SPHKAP: variants seen among roughly 807,000 people sequenced by gnomAD.
SPHKAP encodes the protein A-kinase anchor protein SPHKAP.
SPHKAP carries 67 observed loss-of-function variants against 137.5 expected under a neutral mutation model. The observed-to-expected ratio is 0.49, with a 90% CI of 0.40 to 0.60. The LOEUF (loss-of-function observed/expected upper bound fraction) is 0.60. Among genes scored for constraint, SPHKAP ranks in the 20% least tolerant of loss-of-function variants. The pLI is 0.00. For synonymous variants in SPHKAP, 813 were observed against 785.3 expected, an observed-to-expected ratio of 1.04 and a Z score of -0.59; for missense variants, 2,097 against 2,069.3, an observed-to-expected ratio of 1.01 and a Z score of -0.26.
At chr2:228,049,790 C>T (rs1354411800) in intron 3 of SPHKAP, among the ~76,000 whole-genome samples, 2 of 152,174 alleles carry the variant, frequency 1.3e-5, no homozygotes, top group Non-Finnish European at 2.9e-5. Flanking sequence ...AGGATAATGA[C>T]CTCCAGTTGC....
chr2:228,049,810 G>A (rs996693398), intron 3 of SPHKAP, among the ~76,000 whole-genome samples: 1 of 152,104 alleles, frequency 6.6e-6, no homozygotes, highest in Non-Finnish European at 1.5e-5. Context: ...CACCCATGTT[G>A]CTGCAAAAAT....
chr2:228,098,234 C>G (rs1275350082), intron 3 of SPHKAP, among the ~76,000 whole-genome samples: 2 of 152,010 alleles, frequency 1.3e-5, no homozygotes, highest in Non-Finnish European at 2.9e-5. Flanking sequence ...CTGATAATTA[C>G]TGATGTTGAG....
In SPHKAP at chr2:228,135,694, T is replaced by C. The variant is rs1259223282; in HGVS notation, c.33-3609A>G. ...GCCATTTGTTCTAATGCTAAGCCTG[T>C]ATAGCATTAATAAATAAATTTAACT... is the stretch of plus-strand genomic sequence containing the variant. On this transcript the variant is annotated intron_variant, in intron 1 of 11. Coordinates refer to ENST00000392056, the MANE Select transcript of SPHKAP (RefSeq NM_001142644.2). Among the ~76,000 whole-genome samples, 4 of 152,336 alleles carry C rather than the reference T, an allele frequency of 2.6e-5. No homozygotes were observed. The South Asian group carries it at 8.3e-4, about 32-fold the overall frequency.
At chr2:228,139,786 A>T (rs909057937) in intron 1 of SPHKAP, among the ~76,000 whole-genome samples, 5 of 152,238 alleles carry the variant, frequency 3.3e-5, no homozygotes, top group African/African-American at 1.2e-4. Context: ...TTAATGTAAG[A>T]TAGAAAGTAC....
intron 11 of SPHKAP, among the ~76,000 whole-genome samples, chr2:227,988,503 G>A (rs1393674726): frequency 6.6e-6 from 1 of 152,182 alleles, no homozygotes; most frequent in Non-Finnish European, 1.5e-5. Flanking sequence ...TGTAACTCAG[G>A]TGTTTGTGAG....
rs572809068 is a variant in SPHKAP, at chr2:228,073,105, T to A, written c.246+35727A>T. On this transcript the variant is annotated intron_variant, in intron 3 of 11. Coordinates refer to ENST00000392056, the MANE Select transcript of SPHKAP (RefSeq NM_001142644.2). Reference sequence around the variant, plus strand: ...GGAAAGAAACTTTGAAAACATCTAGTCAAAGCAGTTTATTTTACAAATGAG... The same window carrying A: ...GGAAAGAAACTTTGAAAACATCTAGACAAAGCAGTTTATTTTACAAATGAG... 1.5e-4 allele frequency among the ~76,000 whole-genome samples: 23 copies of A among 152,340 alleles called. 1 individual carries two copies. The highest frequency in any genetic ancestry group is 1.0e-3 in the South Asian group (5 of 4,832).
chr2:228,104,824 A>C (rs1698289822), intron 3 of SPHKAP, among the ~76,000 whole-genome samples: 1 of 152,214 alleles, frequency 6.6e-6, no homozygotes, highest in Non-Finnish European at 1.5e-5. Context: ...AGTAACTATG[A>C]ATAGAAATAA....
chr2:228,106,692 T>C (rs1260739671), intron 3 of SPHKAP, among the ~76,000 whole-genome samples: 3 of 152,226 alleles, frequency 2.0e-5, no homozygotes, highest in African/African-American at 7.2e-5. Flanking sequence ...TTCCTTGTCC[T>C]AGTCCATCAC....
chr2:228,050,001 CAAAT>C (rs1218937664), intron 3 of SPHKAP, among the ~76,000 whole-genome samples: 5 of 151,858 alleles, frequency 3.3e-5, no homozygotes, highest in African/African-American at 7.3e-5. Context: ...CAAGAAAAAA[CAAAT>C]AACCCCATTA....
intron 3 of SPHKAP, among the ~76,000 whole-genome samples, chr2:228,028,273 C>CT: frequency 6.6e-6 from 1 of 152,226 alleles, no homozygotes; most frequent in South Asian, 2.1e-4. Flanking sequence ...ATTTTTGCTC[C>CT]TTTTCTCTAC....
At chr2:228,157,895 C>G (rs10200615) in intron 1 of SPHKAP, among the ~76,000 whole-genome samples, 1 of 152,144 alleles carries the variant, frequency 6.6e-6, no homozygotes, top group Non-Finnish European at 1.5e-5. Flanking sequence ...AAAATGTCAC[C>G]AAGGAAACAA....
chr2:228,056,467 G>C (rs989005099), intron 3 of SPHKAP, among the ~76,000 whole-genome samples: 9 of 151,960 alleles, frequency 5.9e-5, no homozygotes, highest in African/African-American at 1.9e-4. Context: ...GCATAACCTG[G>C]AGGTACCTGC....
At chr2:228,129,951 C>A (rs1699199272) in intron 2 of SPHKAP, among the ~76,000 whole-genome samples, 2 of 151,992 alleles carry the variant, frequency 1.3e-5, no homozygotes, top group African/African-American at 2.4e-5. Flanking sequence ...CACCTGCCAC[C>A]ATGCCCAGCT....
intron 1 of SPHKAP, among the ~76,000 whole-genome samples, chr2:228,137,447 G>C (rs1559194243): frequency 6.6e-6 from 1 of 152,200 alleles, no homozygotes; most frequent in Admixed American, 6.5e-5. Flanking sequence ...AATTTCCCAG[G>C]ATAGTTCTAA....
At chr2:228,097,658 C>T (rs1466254619) in intron 3 of SPHKAP, among the ~76,000 whole-genome samples, 1 of 152,124 alleles carries the variant, frequency 6.6e-6, no homozygotes, top group Non-Finnish European at 1.5e-5. Flanking sequence ...CTTGCCTCTT[C>T]CCACACTCCA....
intron 3 of SPHKAP, among the ~76,000 whole-genome samples, chr2:228,099,374 A>G (rs1209435044): frequency 6.6e-6 from 1 of 152,018 alleles, no homozygotes; most frequent in Non-Finnish European, 1.5e-5. Flanking sequence ...ATTCTGTTCC[A>G]TTGGTCTGTG....
chr2:228,056,386 C>T (rs1460465050), intron 3 of SPHKAP, among the ~76,000 whole-genome samples: 1 of 151,950 alleles, frequency 6.6e-6, no homozygotes, highest in Non-Finnish European at 1.5e-5. Flanking sequence ...CCATTTTGGC[C>T]CATGTCTGTG....
intron 2 of SPHKAP, among the ~76,000 whole-genome samples, chr2:228,130,487 AGTCAT>A (rs1367920442): frequency 6.6e-6 from 1 of 152,220 alleles, no homozygotes. Flanking sequence ...TATGAAGTAA[AGTCAT>A]GTGCTCAAGA....
intron 3 of SPHKAP, among the ~76,000 whole-genome samples, chr2:228,077,030 G>A (rs942123313): frequency 6.6e-6 from 1 of 152,208 alleles, no homozygotes; most frequent in Non-Finnish European, 1.5e-5. Flanking sequence ...GGCCAATGTA[G>A]GGCTCAGGTT....
Sources: allele counts gnomAD v4.1 joint callset (sites outside exome capture counted in the v4.1 genomes callset), GRCh38; gene constraint gnomAD v4.1.1; transcripts MANE v1.5; gene names NCBI Gene and HGNC (gene_info 2026-07-23, HGNC 2026-07-21).